The following TANC2 variants were observed in gnomAD, a reference collection of about 807,000 sequenced individuals.
TANC2 encodes tetratricopeptide repeat, ankyrin repeat and coiled-coil containing 2, also known as protein TANC2.
In TANC2, 26 loss-of-function variants were observed where a neutral mutation model predicts 210.5. That is an observed-to-expected ratio of 0.12 (90% CI 0.09 to 0.17). The LOEUF (loss-of-function observed/expected upper bound fraction) is 0.17. Ranked by LOEUF, TANC2 falls within the 10% of genes least tolerant of loss-of-function variation. The probability of loss-of-function intolerance (pLI) is 1.00; values close to 1 mark genes in which losing one functional copy is unlikely to be tolerated. For missense variants in TANC2, 2,129 were observed against 2,608.9 expected (o/e 0.82, Z 4.01); for synonymous variants, 931 against 967.1 (o/e 0.96, Z 0.69).
intron 14 of TANC2, among the ~76,000 whole-genome samples, chr17:63,358,648 GC>G (rs2046860681): frequency 6.6e-6 from 1 of 151,960 alleles, no homozygotes; most frequent in Non-Finnish European, 1.5e-5. Flanking sequence ...AATTTAATAA[GC>G]GAATTCCTGC....
intron 4 of TANC2, among the ~76,000 whole-genome samples, chr17:63,117,582 A>G (rs2038300259): frequency 6.6e-6 from 1 of 152,214 alleles, no homozygotes; most frequent in Non-Finnish European, 1.5e-5. Flanking sequence ...CTGCTATAAG[A>G]AGTATCACCT....
intron 1 of TANC2, among the ~76,000 whole-genome samples, chr17:62,998,768 A>G (rs2033234995): frequency 2.0e-5 from 3 of 152,356 alleles, no homozygotes; most frequent in South Asian, 2.1e-4. Context: ...AAATATGGAA[A>G]AGAAAGACCA....
At chr17:63,020,139 G>A (rs1210237048) in intron 2 of TANC2, among the ~76,000 whole-genome samples, 2 of 152,116 alleles carry the variant, frequency 1.3e-5, no homozygotes, top group African/African-American at 4.8e-5. Context: ...TTTTGACCAG[G>A]CTCGTCTTGA....
At chr17:63,111,782 G>A (rs746808378) in intron 4 of TANC2, among the ~76,000 whole-genome samples, 6 of 152,106 alleles carry the variant, frequency 3.9e-5, no homozygotes, top group Non-Finnish European at 8.8e-5. Context: ...CTGGAGTGCA[G>A]TGGCACAATC....
intron 4 of TANC2, among the ~76,000 whole-genome samples, chr17:63,111,787 A>G (rs2145038949): frequency 6.6e-6 from 1 of 152,156 alleles, no homozygotes; most frequent in Admixed American, 6.5e-5. Context: ...GTGCAGTGGC[A>G]CAATCTCAGC....
intron 4 of TANC2, among the ~76,000 whole-genome samples, chr17:63,123,962 A>T (rs2038602736): frequency 6.6e-6 from 1 of 152,094 alleles, no homozygotes; most frequent in African/African-American, 2.4e-5. Context: ...TGGCCTCCCA[A>T]AGTGCTGGGA....
intron 4 of TANC2, chr17:63,120,898 C>T (rs913023389): frequency 1.2e-4 from 17 of 143,224 alleles, no homozygotes; most frequent in African/African-American, 4.1e-4. Context: ...TAATAGTAGG[C>T]GTTACTTTTT....
intron 5 of TANC2, among the ~76,000 whole-genome samples, chr17:63,162,414 G>A (rs2040060231): frequency 6.6e-6 from 1 of 152,184 alleles, no homozygotes; most frequent in South Asian, 2.1e-4. Flanking sequence ...GAACAGAGCA[G>A]TAGGGAAGTA....
At chr17:63,305,006 T>C (rs1484071987) in intron 9 of TANC2, among the ~76,000 whole-genome samples, 2 of 152,200 alleles carry the variant, frequency 1.3e-5, no homozygotes, top group Non-Finnish European at 2.9e-5. Context: ...CTTAGTGTGT[T>C]AGGCAGCTAT....
At chr17:63,033,411 T>C (rs1319835274) in intron 2 of TANC2, among the ~76,000 whole-genome samples, 3 of 152,136 alleles carry the variant, frequency 2.0e-5, no homozygotes, top group Admixed American at 6.6e-5. Flanking sequence ...AAGACACTCT[T>C]ATCTCTCCTG....
At chr17:63,385,110 G>A (rs1567972911) in intron 15 of TANC2, among the ~76,000 whole-genome samples, 1 of 152,280 alleles carries the variant, frequency 6.6e-6, no homozygotes, top group East Asian at 1.9e-4. Flanking sequence ...TTACATTAGA[G>A]AAGCTAAATC....
intron 1 of TANC2, among the ~76,000 whole-genome samples, chr17:62,979,701 A>C (rs1263597509): frequency 1.3e-5 from 2 of 152,174 alleles, no homozygotes; most frequent in Non-Finnish European, 2.9e-5. Flanking sequence ...GCTTGAGGCC[A>C]GGAGTTTGGA....
At chr17:63,006,267 A>T (rs2033622323) in intron 1 of TANC2, among the ~76,000 whole-genome samples, 1 of 150,646 alleles carries the variant, frequency 6.6e-6, no homozygotes, top group Non-Finnish European at 1.5e-5. Flanking sequence ...TATTTCATTC[A>T]TTTTTTTCTT....
At chr17:63,211,103 C>T (rs1333235616) in intron 7 of TANC2, among the ~76,000 whole-genome samples, 1 of 151,980 alleles carries the variant, frequency 6.6e-6, no homozygotes, top group African/African-American at 2.4e-5. Context: ...ATCTTTTTGT[C>T]TACTTTTCAT....
intron 7 of TANC2, among the ~76,000 whole-genome samples, chr17:63,212,358 A>G (rs1246782643): frequency 6.6e-6 from 1 of 152,134 alleles, no homozygotes; most frequent in Non-Finnish European, 1.5e-5. Flanking sequence ...TTCTTTTGAT[A>G]TTATTAGATT....
intron 3 of TANC2, among the ~76,000 whole-genome samples, chr17:63,095,260 C>G (rs2037344127): frequency 1.3e-5 from 2 of 152,122 alleles, no homozygotes; most frequent in South Asian, 2.1e-4. Context: ...ACTGCAGCCT[C>G]AAACTCCTGG....
intron 1 of TANC2, among the ~76,000 whole-genome samples, chr17:62,971,632 G>A (rs1220444002): frequency 6.6e-6 from 1 of 152,154 alleles, no homozygotes; most frequent in African/African-American, 2.4e-5. Flanking sequence ...TGCCCAGCCA[G>A]TTTTCTTTCT....
At chr17:62,997,655 A>G (rs181143362) in intron 1 of TANC2, among the ~76,000 whole-genome samples, 24 of 152,316 alleles carry the variant, frequency 1.6e-4, no homozygotes, top group African/African-American at 4.6e-4. Flanking sequence ...AGACTTTAAG[A>G]CAATATCTTA....
intron 2 of TANC2, among the ~76,000 whole-genome samples, chr17:63,023,278 G>A (rs1282981158): frequency 3.3e-5 from 5 of 152,240 alleles, no homozygotes; most frequent in African/African-American, 4.8e-5. Flanking sequence ...GAGGCCTTGG[G>A]AGCTCACCCC....
Sources: gnomAD v4.1 joint callset for allele counts (sites outside exome capture counted in the v4.1 genomes callset) on GRCh38, gnomAD v4.1.1 for gene constraint, MANE v1.5 for transcripts, NCBI Gene and HGNC (gene_info 2026-07-23, HGNC 2026-07-21) for gene names.